IL17B: variants seen among roughly 807,000 people sequenced by gnomAD.
IL17B encodes interleukin 17B, also known as interleukin-17B.
In IL17B, 14 loss-of-function variants were observed where a neutral mutation model predicts 14.7. That is an observed-to-expected ratio of 0.95 (90% CI 0.63 to 1.49). The LOEUF (loss-of-function observed/expected upper bound fraction) is 1.49. Ranked by LOEUF, IL17B falls within the 40% of genes most tolerant of loss-of-function variation. The pLI, the probability that IL17B is intolerant of heterozygous loss-of-function variation, is 0.00. For synonymous variants in IL17B, 105 were observed against 94.8 expected, an observed-to-expected ratio of 1.11 and a Z score of -0.62; for missense variants, 233 against 252.8, an observed-to-expected ratio of 0.92 and a Z score of 0.53.
chr5:149,390,522 A>AC (rs1001506743), intron 1 of IL17B, among the ~76,000 whole-genome samples: 2 of 127,216 alleles, frequency 1.6e-5, no homozygotes, highest in African/African-American at 2.9e-5. Flanking sequence ...ACTTAAGGAA[A>AC]CCCCCCCAAA....
At chr5:149,380,992 T>A (rs1225893377), upstream of IL17B, among the ~76,000 whole-genome samples, 1 of 152,222 alleles carries the variant, frequency 6.6e-6, no homozygotes, top group Non-Finnish European at 1.5e-5. Flanking sequence ...CACCGCAGGC[T>A]GTCCCAGCCC....
chr5:149,380,661 G>A (rs562989174), upstream of IL17B, among the ~76,000 whole-genome samples: 34 of 152,334 alleles, frequency 2.2e-4, no homozygotes, highest in South Asian at 6.8e-3. Flanking sequence ...CAGGAATGGC[G>A]GGAGGGAATG....
intron 1 of IL17B, among the ~76,000 whole-genome samples, chr5:149,388,095 C>G (rs533539512): frequency 6.6e-6 from 1 of 152,350 alleles, no homozygotes; most frequent in Non-Finnish European, 1.5e-5. Flanking sequence ...CCATGGTCAG[C>G]TGTGCTTTAT....
chr5:149,389,203 T>C (rs1436377601), intron 1 of IL17B, among the ~76,000 whole-genome samples: 2 of 152,254 alleles, frequency 1.3e-5, no homozygotes, highest in Admixed American at 1.3e-4. Context: ...TGTCATATTA[T>C]TTTTGATGCA....
intron 1 of IL17B, among the ~76,000 whole-genome samples, chr5:149,384,755 G>A (rs2127619575): frequency 6.6e-6 from 1 of 152,228 alleles, no homozygotes; most frequent in East Asian, 1.9e-4. Context: ...CTCAATTCTA[G>A]CACTTTCTAA....
intron 1 of IL17B, among the ~76,000 whole-genome samples, chr5:149,392,544 G>A (rs1758992061): frequency 6.6e-6 from 1 of 152,214 alleles, no homozygotes; most frequent in African/African-American, 2.4e-5. Flanking sequence ...ATACTTGTAA[G>A]TGTATGTGCT....
At chr5:149,401,372 CA>C (rs1759203174) in intron 1 of IL17B, among the ~76,000 whole-genome samples, 1 of 152,194 alleles carries the variant, frequency 6.6e-6, no homozygotes, top group South Asian at 2.1e-4. Flanking sequence ...AATTCTAAAA[CA>C]AAGTAAGCTG....
At chr5:149,400,265 A>G (rs1321600406) in intron 1 of IL17B, among the ~76,000 whole-genome samples, 1 of 152,108 alleles carries the variant, frequency 6.6e-6, no homozygotes, top group African/African-American at 2.4e-5. Context: ...AGAAGATGAA[A>G]GCAGATATCA....
chr5:149,393,705 C>T (rs1369923139), intron 1 of IL17B, among the ~76,000 whole-genome samples: 1 of 151,982 alleles, frequency 6.6e-6, no homozygotes, highest in East Asian at 1.9e-4. Flanking sequence ...TTCCTTCCTC[C>T]ACAATGTATC....
chr5:149,390,825 T>C (rs1581393287), intron 1 of IL17B, among the ~76,000 whole-genome samples: 1 of 151,978 alleles, frequency 6.6e-6, no homozygotes, highest in Non-Finnish European at 1.5e-5. Context: ...TAGCTCTTTA[T>C]AGAATTTATA....
chr5:149,375,283 C>A (rs1469454358), intron 2 of IL17B, among the ~76,000 whole-genome samples: 1 of 152,176 alleles, frequency 6.6e-6, no homozygotes, highest in East Asian at 1.9e-4. Context: ...TCTCAGGGAG[C>A]CTTGCATACA....
At chr5:149,399,226 G>C (rs148439261) in intron 1 of IL17B, among the ~76,000 whole-genome samples, 3 of 152,150 alleles carry the variant, frequency 2.0e-5, no homozygotes, top group Non-Finnish European at 4.4e-5. Context: ...GGCCCTGCCC[G>C]GGTGCTGTCA....
rs548636337 is a variant in IL17B at position 149,386,739 on chromosome 5, G to C, written n.96-9714C>G. On this transcript the variant is annotated intron_variant and non_coding_transcript_variant, in intron 1 of 2. Coordinates refer to the IL17B transcript ENST00000505432. ...GTGGTGAACAACTAAAATAGTTCTT[G>C]TGTCACCAGGCTGGAGTGCACGGTG... Among the ~76,000 whole-genome samples, 3 of 152,290 alleles carry C rather than the reference G, an allele frequency of 2.0e-5. No individual in the cohort carries two copies. In the South Asian group the frequency reaches 6.2e-4, roughly 32 times the overall value.
At chr5:149,384,743 A>G (rs1198119494) in intron 1 of IL17B, among the ~76,000 whole-genome samples, 1 of 152,158 alleles carries the variant, frequency 6.6e-6, no homozygotes, top group Non-Finnish European at 1.5e-5. Flanking sequence ...AATTCTAGTC[A>G]GCTCAATTCT....
At chr5:149,380,097 G>A (rs1342162714), upstream of IL17B, among the ~76,000 whole-genome samples, 1 of 152,190 alleles carries the variant, frequency 6.6e-6, no homozygotes, top group East Asian at 1.9e-4. Flanking sequence ...CTGTGTGGCT[G>A]CATGTGAGCT....
chr5:149,391,631 GC>G (rs972337701), intron 1 of IL17B, among the ~76,000 whole-genome samples: 3 of 152,122 alleles, frequency 2.0e-5, no homozygotes, highest in African/African-American at 7.2e-5. Flanking sequence ...CAACCACTGG[GC>G]CCCCTAAGCA....
chr5:149,377,756 A>C (rs565756627), intron 1 of IL17B, among the ~76,000 whole-genome samples: 48 of 140,298 alleles, frequency 3.4e-4, no homozygotes, highest in African/African-American at 1.2e-3. Context: ...ATGTCAGGTG[A>C]GGCATGGCAG....
chr5:149,398,328 A>G (rs1675567296), intron 1 of IL17B, among the ~76,000 whole-genome samples: 1 of 152,238 alleles, frequency 6.6e-6, no homozygotes. Flanking sequence ...TTGAGATTGT[A>G]TCTTGCAAGA....
intron 1 of IL17B, among the ~76,000 whole-genome samples, chr5:149,400,064 C>A (rs1187421445): frequency 6.6e-6 from 1 of 152,096 alleles, no homozygotes; most frequent in East Asian, 1.9e-4. Context: ...TGAACTATGT[C>A]CCCCCTCCCC....
Sources: gnomAD v4.1 joint callset for allele counts (sites outside exome capture counted in the v4.1 genomes callset) on GRCh38, gnomAD v4.1.1 for gene constraint, MANE v1.5 for transcripts, NCBI Gene and HGNC (gene_info 2026-07-23, HGNC 2026-07-21) for gene names.